The following SBF2 variants were observed in gnomAD, a reference collection of about 807,000 sequenced individuals.
The protein encoded by SBF2 is myotubularin-related protein 13.
Under a neutral mutation model 225.2 loss-of-function variants are expected in SBF2, and 112 were observed. That is an observed-to-expected ratio of 0.50 (90% CI 0.43 to 0.58). The LOEUF (loss-of-function observed/expected upper bound fraction) is 0.58. SBF2 is among the 20% of genes least tolerant of loss of function. The pLI, the probability that SBF2 is intolerant of heterozygous loss-of-function variation, is 0.00. For missense variants in SBF2, 1,996 were observed against 2,206.2 expected, an observed-to-expected ratio of 0.90 and a Z score of 1.91; for synonymous variants, 763 against 773.3, an observed-to-expected ratio of 0.99 and a Z score of 0.22.
chr11:9,809,999 GGT>G (rs2133900234), intron 30 of SBF2, among the ~76,000 whole-genome samples: 1 of 152,266 alleles, frequency 6.6e-6, no homozygotes, highest in African/African-American at 2.4e-5. Flanking sequence ...CTCCTGGCTG[GGT>G]GTGGTGGCTC....
intron 1 of SBF2, 35 bp from the exon 2 acceptor site, chr11:10,194,022 G>A: frequency 2.9e-6 from 4 of 1,383,884 alleles, no homozygotes; most frequent in Non-Finnish European, 4.1e-6. Flanking sequence ...ATTATTATAG[G>A]ACACTAAAAA....
intron 2 of SBF2, among the ~76,000 whole-genome samples, chr11:10,052,168 A>G (rs1379875585): frequency 6.6e-6 from 1 of 152,062 alleles, no homozygotes; most frequent in East Asian, 1.9e-4. Flanking sequence ...GAAAAAAAAA[A>G]AGCTATCACA....
intron 16 of SBF2, among the ~76,000 whole-genome samples, chr11:9,953,112 C>T (rs556900311): frequency 1.7e-3 from 254 of 152,346 alleles, no homozygotes; most frequent in Non-Finnish European, 2.8e-3. Context: ...AATGCGGAGC[C>T]AACCCAAATG....
chr11:9,847,014 T>G lies in SBF2; in HGVS notation c.2876A>C (p.Gln959Pro), dbSNP rs761712520. ...TTGCATGTTCTGCTGTAGCTGGTTCTGCATTGTAATCTTCTTCTCCTTGGT... is the reference window on the plus strand; with the variant it reads ...TTGCATGTTCTGCTGTAGCTGGTTCGGCATTGTAATCTTCTTCTCCTTGGT... Reference protein sequence around the residue: ...SITKEKKITMQNQLQQNMQEG... With the variant: ...SITKEKKITMPNQLQQNMQEG... The change falls in exon 23 of 40, where the codon CAG (glutamine) becomes CCG (proline). Residue 959 changes from glutamine (Q) to proline (P), a missense_variant. Transcript: ENST00000256190. The G allele has an allele frequency of 1.2e-6, 2 of 1,613,906 alleles. No homozygotes were observed. Among genetic ancestry groups the G allele is most frequent in the Admixed American group, 3.3e-5 (2 of 60,010 alleles).
At chr11:9,783,031 T>C (rs1852131932) in intron 38 of SBF2, 1 of 152,140 alleles carries the variant, frequency 6.6e-6, no homozygotes, top group African/African-American at 2.4e-5. Context: ...TCTCTGTCTC[T>C]CCTCTCAGGC....
intron 2 of SBF2, among the ~76,000 whole-genome samples, chr11:10,046,880 A>C (rs946888033): frequency 7.4e-5 from 4 of 54,236 alleles, no homozygotes; most frequent in Admixed American, 2.1e-4. Flanking sequence ...CTGAAAGGAC[A>C]AAAAAAAAAA....
intron 13 of SBF2, among the ~76,000 whole-genome samples, chr11:9,982,692 A>G (rs1032148110): frequency 7.2e-5 from 11 of 152,186 alleles, no homozygotes; most frequent in African/African-American, 2.7e-4. Flanking sequence ...CTGGAGAGGA[A>G]CCACAGATCC....
chr11:9,831,817 A>G (rs1474857940), intron 27 of SBF2, among the ~76,000 whole-genome samples: 1 of 152,174 alleles, frequency 6.6e-6, no homozygotes, highest in Non-Finnish European at 1.5e-5. Context: ...GTGAGGATGG[A>G]TATCTCATAT....
intron 27 of SBF2, 24 bp from the exon 28 acceptor site, chr11:9,829,520 T>A: frequency 6.4e-7 from 1 of 1,553,702 alleles, no homozygotes; most frequent in Non-Finnish European, 8.9e-7. Context: ...ATATATTGAA[T>A]AAAATAAACT....
At chr11:10,199,135 C>G (rs760720078) in intron 1 of SBF2, among the ~76,000 whole-genome samples, 1 of 152,054 alleles carries the variant, frequency 6.6e-6, no homozygotes, top group Non-Finnish European at 1.5e-5. Context: ...CTTCCTTTCA[C>G]TTGACCACTT....
chr11:9,995,050 A>AG (rs1947631954), intron 9 of SBF2, among the ~76,000 whole-genome samples: 1 of 151,156 alleles, frequency 6.6e-6, no homozygotes, highest in Non-Finnish European at 1.5e-5. Context: ...CAAAAAAAAA[A>AG]AAATAAAAAT....
chr11:10,135,211 G>A (rs1339562486), intron 2 of SBF2, among the ~76,000 whole-genome samples: 1 of 152,228 alleles, frequency 6.6e-6, no homozygotes, highest in Admixed American at 6.5e-5. Context: ...AGAGCAGCTA[G>A]GAGGCAGGGC....
intron 16 of SBF2, among the ~76,000 whole-genome samples, chr11:9,908,391 C>T (rs1189969230): frequency 6.6e-6 from 1 of 152,036 alleles, no homozygotes; most frequent in African/African-American, 2.4e-5. Flanking sequence ...TTTGGGAGGC[C>T]GAGGCGGGTA....
At chr11:10,090,764 C>CCAAA (rs1951749539) in intron 2 of SBF2, among the ~76,000 whole-genome samples, 1 of 44,428 alleles carries the variant, frequency 2.3e-5, no homozygotes, top group African/African-American at 8.9e-5. Context: ...GATTCCATCT[C>CCAAA]AAAAAAAAAA....
At chr11:10,097,694 T>G (rs183102501) in intron 2 of SBF2, among the ~76,000 whole-genome samples, 4 of 151,964 alleles carry the variant, frequency 2.6e-5, no homozygotes, top group African/African-American at 9.7e-5. Flanking sequence ...AACACCCCAG[T>G]AGAAAAAAAG....
Position 10,220,039 on chromosome 11 carries a change from C to T in SBF2, c.56-26052G>A, listed in dbSNP as rs1204969524. Among the ~76,000 whole-genome samples the T allele has an allele frequency of 2.0e-5, 3 of 152,112 alleles. No homozygotes were observed. In the East Asian group the frequency reaches 5.8e-4, roughly 29 times the overall value. ...CTCAGTATCAATTTACTGTTTTAAT[C>T]TGTTCTGATGCTGCTAATAAAGACA... On this transcript the variant is annotated intron_variant, in intron 1 of 39. Coordinates refer to ENST00000256190, the MANE Select transcript of SBF2 (RefSeq NM_030962.4).
At chr11:10,194,905 G>A (rs1957304854) in intron 1 of SBF2, among the ~76,000 whole-genome samples, 1 of 152,174 alleles carries the variant, frequency 6.6e-6, no homozygotes, top group Non-Finnish European at 1.5e-5. Flanking sequence ...GGGAGTAACT[G>A]CCCTTTGTGC....
intron 1 of SBF2, among the ~76,000 whole-genome samples, chr11:10,240,227 C>G (rs1959189690): frequency 7.0e-6 from 1 of 142,246 alleles, no homozygotes; most frequent in African/African-American, 2.6e-5. Flanking sequence ...AGTTGCTGAT[C>G]ATTTTAGGAG....
In SBF2 at chr11:10,096,680, A is replaced by C. The variant is rs923737195; in HGVS notation, c.142-53699T>G. 3.9e-5 allele frequency among the ~76,000 whole-genome samples: 6 copies of C among 152,110 alleles called. 1 individual carries two copies. The South Asian group carries it at 1.2e-3, about 32-fold the overall frequency. On this transcript the variant is annotated intron_variant, in intron 2 of 39. Coordinates refer to ENST00000256190, the MANE Select transcript of SBF2 (RefSeq NM_030962.4). ...AATCTCATACAAGCGGTGTCTTTTAAAAATATTACTTTTCTGATAATGTCA... is the reference window on the plus strand; with the variant it reads ...AATCTCATACAAGCGGTGTCTTTTACAAATATTACTTTTCTGATAATGTCA...
Sources: gnomAD v4.1 joint callset for allele counts (sites outside exome capture counted in the v4.1 genomes callset) on GRCh38, gnomAD v4.1.1 for gene constraint, MANE v1.5 for transcripts, NCBI Gene and HGNC (gene_info 2026-07-23, HGNC 2026-07-21) for gene names.